TMEM14B: variants seen among roughly 807,000 people sequenced by gnomAD.
TMEM14B encodes the protein transmembrane protein 14B.
TMEM14B carries 9 observed loss-of-function variants against 14.8 expected under a neutral mutation model. That is an observed-to-expected ratio of 0.61 (90% CI 0.37 to 1.06). The LOEUF is 1.06. Ranked by LOEUF, TMEM14B falls within the 50% of genes least tolerant of loss-of-function variation. The probability of loss-of-function intolerance (pLI) is 0.01; values close to 1 mark genes in which losing one functional copy is unlikely to be tolerated. For missense variants in TMEM14B, 128 were observed against 143.6 expected (o/e 0.89, Z 0.56); for synonymous variants, 40 against 51.3 (o/e 0.78, Z 0.94).
chr6:10,749,532 A>G, intron 2 of TMEM14B, 90 bp from the exon 3 acceptor site: 2 of 1,463,566 alleles, frequency 1.4e-6, no homozygotes, highest in South Asian at 1.1e-5. Flanking sequence ...GTGGGGAATG[A>G]TTACCTTTTA....
At chr6:10,750,911 G>A (rs1394996917) in intron 3 of TMEM14B, among the ~76,000 whole-genome samples, 2 of 151,980 alleles carry the variant, frequency 1.3e-5, no homozygotes, top group African/African-American at 4.8e-5. Context: ...TTAGATGGAA[G>A]TGCCCTGCCT....
At chr6:10,748,923 C>T (rs1231939154) in intron 1 of TMEM14B, among the ~76,000 whole-genome samples, 18 of 152,132 alleles carry the variant, frequency 1.2e-4, no homozygotes, top group Non-Finnish European at 5.9e-5. Context: ...TAACACATTC[C>T]CTGATTATAG....
At chr6:10,752,495 T>C (rs148159052) in intron 4 of TMEM14B, among the ~76,000 whole-genome samples, 2,773 of 149,280 alleles carry the variant, frequency 0.019, 80 homozygotes, top group African/African-American at 0.058. Context: ...CTCACTGTGT[T>C]GCCCAGGCTA....
intron 4 of TMEM14B, among the ~76,000 whole-genome samples, chr6:10,751,848 C>T (rs1771585390): frequency 6.6e-6 from 1 of 152,084 alleles, no homozygotes; most frequent in South Asian, 2.1e-4. Flanking sequence ...GCAGCACGGA[C>T]AGTGAGGACA....
At position 10,751,295 on chromosome 6, in the gene TMEM14B, G is replaced by A. The variant is rs562421362; in HGVS notation, c.202+61G>A. On this transcript the variant is annotated intron_variant, in intron 4 of 5. Coordinates refer to ENST00000379542, the MANE Select transcript of TMEM14B (RefSeq NM_030969.5). ...GTATCTGGAATATTCTTTTCCAAAAGACCCTGGTTTGGTGGGATGGAGCGA... is the reference window on the plus strand; with the variant it reads ...GTATCTGGAATATTCTTTTCCAAAAAACCCTGGTTTGGTGGGATGGAGCGA... 3,350 of 1,587,046 alleles carry A rather than the reference G, an allele frequency of 2.1e-3. 11 individuals are homozygous for A. The highest frequency in any genetic ancestry group is 3.8e-3 in the Middle Eastern group (23 of 5,988).
At chr6:10,749,342 G>T (rs1288110958) in intron 2 of TMEM14B, 74 bp downstream of exon 2, 1 of 1,577,534 alleles carries the variant, frequency 6.3e-7, no homozygotes, top group Non-Finnish European at 8.7e-7. Context: ...CAGCTGAAAA[G>T]AACCCTAAGA....
rs1771446685 is a variant in TMEM14B at position 10,749,071 on chromosome 6, C to T, written c.-44-131C>T. On this transcript the variant is annotated intron_variant, in intron 1 of 5. Transcript: ENST00000379542. ...CACAACACCCCCAGGAAATTGGTACCAGTGTTATCCTCATGGTACAGTGAA... is the reference window on the plus strand; with the variant it reads ...CACAACACCCCCAGGAAATTGGTACTAGTGTTATCCTCATGGTACAGTGAA... The T allele has an allele frequency of 5.1e-6, 3 of 589,108 alleles. No homozygotes were observed. In the Admixed American group the frequency reaches 8.8e-5, roughly 17 times the overall value. The allele number at this position is 589,108 out of a possible 1,614,324, so 36.5% of individuals were successfully genotyped here.
At chr6:10,756,032 C>G (rs141701055) in intron 5 of TMEM14B, among the ~76,000 whole-genome samples, 61 of 151,974 alleles carry the variant, frequency 4.0e-4, no homozygotes, top group African/African-American at 1.3e-3. Flanking sequence ...ATCCTGTTTT[C>G]AAGAAAGATT....
chr6:10,753,672 T>C (rs929485320), intron 4 of TMEM14B, among the ~76,000 whole-genome samples: 4 of 152,016 alleles, frequency 2.6e-5, no homozygotes, highest in Non-Finnish European at 4.4e-5. Flanking sequence ...TCCAGGAATC[T>C]GCCCGGACCT....
At chr6:10,748,300 C>A (rs1013576974) in intron 1 of TMEM14B, among the ~76,000 whole-genome samples, 2 of 152,104 alleles carry the variant, frequency 1.3e-5, no homozygotes, top group East Asian at 3.9e-4. Context: ...GCCTGGAGTG[C>A]AGTAGCCTGA....
In TMEM14B at chr6:10,749,761, C is replaced by CCT; in HGVS notation, c.100+64_100+65dup. 5 of 1,585,614 alleles carry CCT rather than the reference C, an allele frequency of 3.2e-6. No homozygotes were observed. In the South Asian group the frequency reaches 5.5e-5, roughly 18 times the overall value. On this transcript the variant is annotated intron_variant, in intron 3 of 5. Transcript: ENST00000379542. ...ACGTTGTTCCAGTGAAATGTGAGTGCCTGTGTCCCTGAGAAGCAATCTCGT... is the reference window on the plus strand; with the variant it reads ...ACGTTGTTCCAGTGAAATGTGAGTGCCTCTGTGTCCCTGAGAAGCAATCTCGT...
chr6:10,748,976 G>T (rs1276959661), intron 1 of TMEM14B, among the ~76,000 whole-genome samples: 1 of 152,204 alleles, frequency 6.6e-6, no homozygotes, highest in East Asian at 1.9e-4. Flanking sequence ...GGACCTATGT[G>T]AAATGATCGG....
chr6:10,754,785 A>G (rs80000484), intron 4 of TMEM14B, among the ~76,000 whole-genome samples: 10 of 152,236 alleles, frequency 6.6e-5, no homozygotes, highest in Non-Finnish European at 1.3e-4. Context: ...TGGGAATTGC[A>G]TGCAGGGTAG....
intron 5 of TMEM14B, among the ~76,000 whole-genome samples, chr6:10,756,043 A>G (rs987935991): frequency 3.3e-5 from 5 of 152,196 alleles, no homozygotes; most frequent in African/African-American, 1.2e-4. Flanking sequence ...AAGAAAGATT[A>G]CATACTCTAC....
intron 4 of TMEM14B, among the ~76,000 whole-genome samples, chr6:10,753,628 C>T (rs76413128): frequency 0.011 from 1,607 of 152,062 alleles, 44 homozygotes; most frequent in African/African-American, 0.037. Context: ...GCTGGACTCT[C>T]ATGTATTCAT....
In TMEM14B at chr6:10,749,196, C is replaced by A; in HGVS notation, c.-44-6C>A. On this transcript the variant is annotated splice_polypyrimidine_tract_variant and splice_region_variant and intron_variant, in intron 1 of 5. Transcript: ENST00000379542. ...AACCACTGCTGATCCGGCTTGTTTT[C>A]CCCAGATGCAGGCCTGGGGTAGTCT... 1.9e-6 allele frequency: 3 copies of A among 1,607,910 alleles called. No individual in the cohort carries two copies. Among genetic ancestry groups the A allele is most frequent in the Non-Finnish European group, 2.6e-6 (3 of 1,174,868 alleles).
In TMEM14B at chr6:10,756,536, C is replaced by G. The variant is rs768779913; in HGVS notation, c.*18C>G. ...CTGATTAGCAGAAGTCATGTTCCAG[C>G]TTGGACTCATGAAGGATTAAAAATC... On this transcript the variant is annotated 3_prime_UTR_variant, in exon 6 of 6. Coordinates refer to ENST00000379542, the MANE Select transcript of TMEM14B (RefSeq NM_030969.5). The G allele has an allele frequency of 9.2e-5, 149 of 1,610,896 alleles. 3 individuals are homozygous for G. In the South Asian group the frequency reaches 1.6e-3, roughly 18 times the overall value.
In TMEM14B at chr6:10,755,153, GT is replaced by G. The variant is rs1240938470; in HGVS notation, c.216del (p.Thr73LeufsTer8). 1.2e-6 allele frequency: 2 copies of G among 1,613,894 alleles called. No homozygotes were observed. The highest frequency in any genetic ancestry group is 3.3e-5 in the Admixed American group (2 of 60,024). Reference protein sequence around the residue: ...NVWGFLAATSVTFVGVMGMRS... With the variant: ...NVWGFLAATSXTFVGVMGMRS... The stretch of plus-strand genomic sequence containing the variant: ...TGTATCTTTTTCAGCCGCTACATCT[GT>G]TACTTTTGTTGGTGTTATGGGAATG... On this transcript the variant is annotated frameshift_variant, in exon 5 of 6. Transcript: ENST00000379542. LOFTEE classifies it high-confidence loss of function.
chr6:10,754,678 G>A (rs1771738192), intron 4 of TMEM14B, among the ~76,000 whole-genome samples: 1 of 152,202 alleles, frequency 6.6e-6, no homozygotes, highest in Non-Finnish European at 1.5e-5. Context: ...CAGACCTGAA[G>A]CATTGTAAAA....
Sources: allele counts gnomAD v4.1 joint callset (sites outside exome capture counted in the v4.1 genomes callset), GRCh38; gene constraint gnomAD v4.1.1; transcripts MANE v1.5; gene names NCBI Gene and HGNC (gene_info 2026-07-23, HGNC 2026-07-21).